The following GRIP1 variants were observed in gnomAD, a reference collection of about 807,000 sequenced individuals.
GRIP1 encodes glutamate receptor interacting protein 1.
A neutral mutation model predicts 129.9 loss-of-function variants in GRIP1; 45 were observed. The observed-to-expected ratio is 0.35, with a 90% CI of 0.27 to 0.44. GRIP1 has a LOEUF of 0.44. Among genes scored for constraint, GRIP1 ranks in the 20% least tolerant of loss-of-function variants. The pLI, the probability that GRIP1 is intolerant of heterozygous loss-of-function variation, is 1.00. For synonymous variants in GRIP1, 530 were observed against 520.8 expected, an observed-to-expected ratio of 1.02 and a Z score of -0.24; for missense variants, 1,196 against 1,396.8, an observed-to-expected ratio of 0.86 and a Z score of 2.29.
chr12:66,864,101 G>A (rs142894285), intron 1 of GRIP1, among the ~76,000 whole-genome samples: 28 of 152,158 alleles, frequency 1.8e-4, no homozygotes, highest in Non-Finnish European at 3.5e-4. Flanking sequence ...TCAACCAGGG[G>A]CCCTCTAAGC....
At chr12:66,669,907 G>A (rs11176370) in intron 1 of GRIP1, among the ~76,000 whole-genome samples, 5,180 of 152,220 alleles carry the variant, frequency 0.034, 151 homozygotes, top group Middle Eastern at 0.071. Flanking sequence ...CATTACCTCC[G>A]TTTTTAATAT....
chr12:66,531,719 A>G (rs1437780832), intron 4 of GRIP1, among the ~76,000 whole-genome samples: 1 of 152,204 alleles, frequency 6.6e-6, no homozygotes, highest in African/African-American at 2.4e-5. Flanking sequence ...TTAAACAAAA[A>G]AAATTGAGTT....
At chr12:66,890,638 G>A (rs772079088) in intron 1 of GRIP1, among the ~76,000 whole-genome samples, 15 of 151,952 alleles carry the variant, frequency 9.9e-5, no homozygotes, top group Non-Finnish European at 1.8e-4. Flanking sequence ...GTTAGCATCA[G>A]GGAATATAAA....
chr12:66,694,695 C>G (rs900030685), intron 1 of GRIP1, among the ~76,000 whole-genome samples: 1 of 152,114 alleles, frequency 6.6e-6, no homozygotes, highest in South Asian at 2.1e-4. Flanking sequence ...CTTATTATTT[C>G]TGAGGTCTAA....
intron 1 of GRIP1, among the ~76,000 whole-genome samples, chr12:66,695,515 T>G (rs1161724385): frequency 2.0e-5 from 3 of 152,186 alleles, no homozygotes; most frequent in Admixed American, 6.5e-5. Context: ...ACTAATGGGA[T>G]TGATCCATGG....
intron 4 of GRIP1, among the ~76,000 whole-genome samples, chr12:66,530,119 T>C (rs904710925): frequency 6.6e-6 from 1 of 152,214 alleles, no homozygotes; most frequent in African/African-American, 2.4e-5. Context: ...GTGACTCATA[T>C]AGATACAAGT....
At chr12:66,415,868 A>T (rs1364095193) in intron 15 of GRIP1, among the ~76,000 whole-genome samples, 1 of 152,190 alleles carries the variant, frequency 6.6e-6, no homozygotes, top group Non-Finnish European at 1.5e-5. Flanking sequence ...GAGCTGAACG[A>T]TGAGGACACA....
chr12:66,899,615 T>C (rs1791751278), intron 1 of GRIP1, among the ~76,000 whole-genome samples: 2 of 152,156 alleles, frequency 1.3e-5, no homozygotes, highest in African/African-American at 4.8e-5. Context: ...TCCTCCCATC[T>C]TGGCCTCCCA....
intron 1 of GRIP1, among the ~76,000 whole-genome samples, chr12:67,010,152 T>C (rs1412432704): frequency 6.6e-6 from 1 of 152,258 alleles, no homozygotes; most frequent in East Asian, 1.9e-4. Context: ...GACAAAAGGA[T>C]ATATATTTAT....
chr12:66,722,431 C>T (rs1334248199), intron 1 of GRIP1, among the ~76,000 whole-genome samples: 1 of 152,128 alleles, frequency 6.6e-6, no homozygotes, highest in Non-Finnish European at 1.5e-5. Flanking sequence ...GGTTTGCTGT[C>T]TTCTATGGGT....
intron 1 of GRIP1, among the ~76,000 whole-genome samples, chr12:66,656,286 T>C (rs1395356724): frequency 6.6e-6 from 1 of 152,232 alleles, no homozygotes; most frequent in Non-Finnish European, 1.5e-5. Flanking sequence ...GTGAATTTTG[T>C]TAGCCAACAG....
chr12:66,860,998 T>C (rs1046011736), intron 1 of GRIP1, among the ~76,000 whole-genome samples: 1 of 152,060 alleles, frequency 6.6e-6, no homozygotes, highest in African/African-American at 2.4e-5. Context: ...AGGGGAGGGC[T>C]ACCCAGGATA....
intron 1 of GRIP1, among the ~76,000 whole-genome samples, chr12:66,864,730 G>A (rs2040173014): frequency 6.6e-6 from 1 of 151,974 alleles, no homozygotes; most frequent in Non-Finnish European, 1.5e-5. Flanking sequence ...TATAAGACCT[G>A]TTTATAGCAT....
Position 66,752,536 on chromosome 12 carries a change from T to C in GRIP1, c.-420+51517A>G, listed in dbSNP as rs1001274596. ...AGAGAACAAGGACTTGTTCTCACTA[T>C]TATATCCAACTTACAGCCTTATACA... is the stretch of plus-strand genomic sequence containing the variant. On this transcript the variant is annotated intron_variant, in intron 1 of 4. Coordinates refer to the GRIP1 transcript ENST00000538373. Among the ~76,000 whole-genome samples the C allele has an allele frequency of 2.0e-5, 3 of 152,160 alleles. No individual in the cohort carries two copies. In the East Asian group the frequency reaches 5.8e-4, roughly 29 times the overall value.
chr12:66,687,406 AT>A (rs1489740912), intron 1 of GRIP1, among the ~76,000 whole-genome samples: 22 of 152,292 alleles, frequency 1.4e-4, no homozygotes, highest in Non-Finnish European at 2.4e-4. Flanking sequence ...GAGTTGAAAG[AT>A]GTCTAAGGAG....
chr12:66,936,431 A>C (rs1294281503), intron 1 of GRIP1, among the ~76,000 whole-genome samples: 1 of 151,048 alleles, frequency 6.6e-6, no homozygotes, highest in Non-Finnish European at 1.5e-5. Context: ...GTCTCCAAAA[A>C]AAAAAAAAAA....
chr12:66,653,941 CAG>C (rs2032976145), intron 1 of GRIP1, among the ~76,000 whole-genome samples: 2 of 152,080 alleles, frequency 1.3e-5, no homozygotes, highest in Non-Finnish European at 2.9e-5. Context: ...CCTCAGAGAA[CAG>C]AGACTAAAAG....
chr12:66,961,268 G>A (rs556346839), intron 1 of GRIP1, among the ~76,000 whole-genome samples: 2 of 152,004 alleles, frequency 1.3e-5, no homozygotes, highest in East Asian at 3.9e-4. Flanking sequence ...ACGGGTGTCA[G>A]GAACACCAAG....
intron 1 of GRIP1, among the ~76,000 whole-genome samples, chr12:66,802,978 T>A (rs996210642): frequency 5.3e-5 from 8 of 152,188 alleles, no homozygotes; most frequent in African/African-American, 1.9e-4. Flanking sequence ...ATAATTACAA[T>A]TTTACATTCT....
Sources: gnomAD v4.1 joint callset for allele counts (sites outside exome capture counted in the v4.1 genomes callset) on GRCh38, gnomAD v4.1.1 for gene constraint, MANE v1.5 for transcripts, NCBI Gene and HGNC (gene_info 2026-07-23, HGNC 2026-07-21) for gene names.